The following RIMKLB variants were observed in gnomAD, a reference collection of about 807,000 sequenced individuals.
RIMKLB encodes beta-citrylglutamate synthase B.
In RIMKLB, 7 loss-of-function variants were observed where a neutral mutation model predicts 32.0. The observed-to-expected ratio is 0.22, with a 90% CI of 0.12 to 0.41. The LOEUF (loss-of-function observed/expected upper bound fraction) is 0.41. RIMKLB is among the 10% of genes least tolerant of loss of function. The pLI is 1.00. For synonymous variants in RIMKLB, 172 were observed against 185.1 expected, an observed-to-expected ratio of 0.93 and a Z score of 0.57; for missense variants, 289 against 498.7, an observed-to-expected ratio of 0.58 and a Z score of 4.00.
At chr12:8,720,167 GTAGAATA>G (rs906403766) in intron 2 of RIMKLB, among the ~76,000 whole-genome samples, 61 of 152,312 alleles carry the variant, frequency 4.0e-4, no homozygotes, top group Admixed American at 3.5e-3. Context: ...TCAGTTGTGA[GTAGAATA>G]TAGAACATTA....
upstream of RIMKLB, among the ~76,000 whole-genome samples, chr12:8,695,400 T>TA (rs1942858372): frequency 6.6e-6 from 1 of 152,188 alleles, no homozygotes; most frequent in Non-Finnish European, 1.5e-5. Context: ...TGAATGTATG[T>TA]ACAGCCTTTC....
At chr12:8,671,600 A>T in the RIMKLB span, among the ~76,000 whole-genome samples, 8 of 150,986 alleles carry the variant, frequency 5.3e-5, no homozygotes, top group Admixed American at 5.3e-4. Flanking sequence ...CCAAACTTTT[A>T]TGCTCTGCTT....
chr12:8,735,329 A>G (rs1216847816), intron 2 of RIMKLB, among the ~76,000 whole-genome samples: 1 of 152,114 alleles, frequency 6.6e-6, no homozygotes, highest in Admixed American at 6.5e-5. Context: ...TCCTGGGTTC[A>G]AGTGATTTTC....
At chr12:8,771,000 G>A (rs1950354211) in intron 5 of RIMKLB, among the ~76,000 whole-genome samples, 1 of 152,224 alleles carries the variant, frequency 6.6e-6, no homozygotes, top group Non-Finnish European at 1.5e-5. Context: ...GTGAAGAGAT[G>A]CATAGGGCAA....
At chr12:8,760,777 CTTG>C (rs1463157102) in intron 5 of RIMKLB, among the ~76,000 whole-genome samples, 5 of 152,144 alleles carry the variant, frequency 3.3e-5, no homozygotes, top group African/African-American at 1.2e-4. Context: ...CCTTCGCCCA[CTTG>C]TTGATAGGGT....
chr12:8,673,087 A>G, the RIMKLB span, among the ~76,000 whole-genome samples: 118 of 151,390 alleles, frequency 7.8e-4, no homozygotes, highest in African/African-American at 2.7e-3. Context: ...TCACCATGTT[A>G]GCCAGGCTAG....
chr12:8,705,716 G>A (rs757337019), intron 1 of RIMKLB, among the ~76,000 whole-genome samples: 5 of 152,082 alleles, frequency 3.3e-5, no homozygotes, highest in African/African-American at 4.8e-5. Context: ...TTATGATTGC[G>A]GAGTTGCTAA....
intron 2 of RIMKLB, among the ~76,000 whole-genome samples, chr12:8,716,372 T>C (rs1387565870): frequency 6.6e-6 from 1 of 151,758 alleles, no homozygotes; most frequent in East Asian, 1.9e-4. Flanking sequence ...TTTCAGCTTC[T>C]CTGTCTCTGT....
At chr12:8,765,331 G>C (rs747752172) in intron 5 of RIMKLB, among the ~76,000 whole-genome samples, 142 of 152,134 alleles carry the variant, frequency 9.3e-4, no homozygotes, top group Non-Finnish European at 1.6e-3. Context: ...CTGTGTCCCA[G>C]TGAGGGTCTA....
chr12:8,735,230 AT>A (rs984395957), intron 2 of RIMKLB, among the ~76,000 whole-genome samples: 38 of 148,710 alleles, frequency 2.6e-4, no homozygotes, highest in East Asian at 5.9e-4. Flanking sequence ...GCAGGCTAAA[AT>A]TTTTTTTTTT....
chr12:8,690,638 C>T (rs1205823195), intron 1 of RIMKLB, among the ~76,000 whole-genome samples: 1 of 152,132 alleles, frequency 6.6e-6, no homozygotes, highest in East Asian at 1.9e-4. Flanking sequence ...AAAGAAGATA[C>T]TCCAGGCCAG....
chr12:8,738,948 T>A (rs1304574873), intron 2 of RIMKLB, among the ~76,000 whole-genome samples: 3 of 152,180 alleles, frequency 2.0e-5, no homozygotes. Context: ...CAGTTCCTTC[T>A]CTGTGAATTA....
chr12:8,768,938 A>G (rs748410414), intron 5 of RIMKLB, among the ~76,000 whole-genome samples: 8 of 152,086 alleles, frequency 5.3e-5, no homozygotes, highest in African/African-American at 4.8e-5. Flanking sequence ...AAAAAATTCT[A>G]TCTTTCTGTT....
rs189639154 is a variant in RIMKLB at position 8,743,784 on chromosome 12, G to A, written c.176-6078G>A. On this transcript the variant is annotated intron_variant, in intron 2 of 5. Coordinates refer to ENST00000535829, the MANE Select transcript of RIMKLB (RefSeq NM_001297776.2). ...GCTTCCCCACCCCATTGCTGTTCGA[G>A]GGTTAACTTATTAACCTTATTGTTA... Among the ~76,000 whole-genome samples the A allele has an allele frequency of 5.9e-5, 9 of 151,962 alleles. No homozygotes were observed. The East Asian group carries it at 1.5e-3, about 26-fold the overall frequency.
chr12:8,681,667 G>A (rs954849164), exon 1 of RIMKLB: 1 of 152,144 alleles, frequency 6.6e-6, no homozygotes. Flanking sequence ...CATGAACAGT[G>A]GGTCTTGATG....
In RIMKLB at chr12:8,746,068, TC is replaced by T. The variant is rs1319144591; in HGVS notation, c.176-3792del. On this transcript the variant is annotated intron_variant, in intron 2 of 5. Coordinates refer to ENST00000535829, the MANE Select transcript of RIMKLB (RefSeq NM_001297776.2). ...ATGACTGTATACATATATGTATAGTTCCAGTCTACATTTCAAGTACAGTAAT... is the reference window on the plus strand; with the variant it reads ...ATGACTGTATACATATATGTATAGTTCAGTCTACATTTCAAGTACAGTAAT... 3.9e-5 allele frequency among the ~76,000 whole-genome samples: 6 copies of T among 151,974 alleles called. No individual in the cohort carries two copies. The East Asian group carries it at 9.6e-4, about 24-fold the overall frequency.
At chr12:8,765,853 A>G (rs1388308066) in intron 5 of RIMKLB, among the ~76,000 whole-genome samples, 1 of 151,996 alleles carries the variant, frequency 6.6e-6, no homozygotes, top group African/African-American at 2.4e-5. Context: ...TTGTTTCTTA[A>G]TGAAAAGAAA....
chr12:8,702,587 A>G (rs1371946081), intron 1 of RIMKLB, among the ~76,000 whole-genome samples: 2 of 152,210 alleles, frequency 1.3e-5, no homozygotes, highest in Admixed American at 1.3e-4. Context: ...GCTGTATAAG[A>G]TCAGACCATT....
intron 1 of RIMKLB, among the ~76,000 whole-genome samples, chr12:8,703,220 G>T (rs1022105120): frequency 3.9e-5 from 6 of 152,044 alleles, no homozygotes; most frequent in Non-Finnish European, 7.4e-5. Context: ...CAGGAGGCAG[G>T]TTGCAGGGAG....
Sources: gnomAD v4.1 joint callset for allele counts (sites outside exome capture counted in the v4.1 genomes callset) on GRCh38, gnomAD v4.1.1 for gene constraint, MANE v1.5 for transcripts, NCBI Gene and HGNC (gene_info 2026-07-23, HGNC 2026-07-21) for gene names.